The following SEMA3A variants were observed in gnomAD, a reference collection of about 807,000 sequenced individuals.
SEMA3A encodes semaphorin-3A.
SEMA3A carries 29 observed loss-of-function variants against 97.9 expected under a neutral mutation model. The ratio of observed to expected loss-of-function variants is 0.30; its 90% CI spans 0.22 to 0.40. The LOEUF is 0.40. Ranked by LOEUF, SEMA3A falls within the 10% of genes least tolerant of loss-of-function variation. The pLI is 1.00. For missense variants in SEMA3A, 763 were observed against 951.3 expected, an observed-to-expected ratio of 0.80 and a Z score of 2.60; for synonymous variants, 321 against 323.7, an observed-to-expected ratio of 0.99 and a Z score of 0.09.
chr7:84,420,164 C>A (rs1804548870), intron 1 of SEMA3A, among the ~76,000 whole-genome samples: 1 of 150,490 alleles, frequency 6.6e-6, no homozygotes, highest in African/African-American at 2.4e-5. Context: ...TACAAAGAAA[C>A]AGGAAACTAT....
intron 1 of SEMA3A, among the ~76,000 whole-genome samples, chr7:84,476,909 T>A (rs1245065623): frequency 6.6e-6 from 1 of 151,704 alleles, no homozygotes; most frequent in Non-Finnish European, 1.5e-5. Context: ...AAGAAAAAAA[T>A]AATAAGATAA....
In SEMA3A at chr7:84,075,582, C is replaced by G. The variant is rs754157135; in HGVS notation, c.454-15024G>C. On this transcript the variant is annotated intron_variant, in intron 4 of 16. Transcript: ENST00000265362. ...CAAGTGATTCTGCTGCCTCAGCCTC[C>G]CAAGTAGCTGGGATTACAGGCATGT... is the stretch of plus-strand genomic sequence containing the variant. 3.8e-4 allele frequency among the ~76,000 whole-genome samples: 57 copies of G among 151,930 alleles called. 1 individual carries two copies. Among genetic ancestry groups the G allele is most frequent in the Non-Finnish European group, 1.2e-4 (8 of 67,998 alleles).
Position 83,958,238 on chromosome 7 carries a change from G to A in SEMA3A, c.*3133C>T, listed in dbSNP as rs998409100. On this transcript the variant is annotated 3_prime_UTR_variant, in exon 17 of 17. Transcript: ENST00000265362. Reference sequence around the variant, plus strand: ...ACAGATGACTACAATGAAGAAATCTGTTAGCTAATTATGTAGCAACCTGAC... The same window carrying A: ...ACAGATGACTACAATGAAGAAATCTATTAGCTAATTATGTAGCAACCTGAC... 7 of 152,462 alleles carry A rather than the reference G, an allele frequency of 4.6e-5. No homozygotes were observed. The highest frequency in any genetic ancestry group is 8.8e-5 in the Non-Finnish European group (6 of 67,962). The allele number at this position is 152,462 out of a possible 1,614,324, so 9.4% of individuals were successfully genotyped here.
At chr7:84,363,015 T>C (rs1802763361) in intron 2 of SEMA3A, among the ~76,000 whole-genome samples, 1 of 151,892 alleles carries the variant, frequency 6.6e-6, no homozygotes, top group Non-Finnish European at 1.5e-5. Context: ...TATATTACTG[T>C]ACAACTAGCT....
chr7:84,029,282 C>G (rs1052639176), intron 6 of SEMA3A, among the ~76,000 whole-genome samples: 23 of 152,042 alleles, frequency 1.5e-4, no homozygotes, highest in Non-Finnish European at 2.8e-4. Flanking sequence ...TTCAATATTT[C>G]AATGTGGAAT....
intron 1 of SEMA3A, among the ~76,000 whole-genome samples, chr7:84,481,201 A>G (rs985282806): frequency 1.3e-5 from 2 of 152,204 alleles, no homozygotes; most frequent in African/African-American, 4.8e-5. Context: ...TTGACCATTG[A>G]AAAGATACGA....
At chr7:84,216,917 A>G (rs933225087) in intron 3 of SEMA3A, among the ~76,000 whole-genome samples, 11 of 152,184 alleles carry the variant, frequency 7.2e-5, no homozygotes, top group Non-Finnish European at 1.3e-4. Flanking sequence ...ATTGAGTCAA[A>G]AGAGCTGAAT....
At chr7:84,365,820 T>C (rs1236060344) in intron 2 of SEMA3A, among the ~76,000 whole-genome samples, 1 of 151,458 alleles carries the variant, frequency 6.6e-6, no homozygotes, top group Non-Finnish European at 1.5e-5. Flanking sequence ...TATCACAAGA[T>C]AATTATTCTA....
At chr7:84,156,745 C>G (rs1016648837) in intron 1 of SEMA3A, among the ~76,000 whole-genome samples, 2 of 151,994 alleles carry the variant, frequency 1.3e-5, no homozygotes, top group African/African-American at 4.8e-5. Flanking sequence ...ATTTTTTTCT[C>G]TATATATTTA....
At chr7:84,418,944 C>T (rs902177270) in intron 1 of SEMA3A, among the ~76,000 whole-genome samples, 1 of 149,138 alleles carries the variant, frequency 6.7e-6, no homozygotes, top group Non-Finnish European at 1.5e-5. Context: ...CATATATCTA[C>T]ACATATATAT....
chr7:84,366,386 A>G (rs1802847921), intron 2 of SEMA3A, among the ~76,000 whole-genome samples: 1 of 151,430 alleles, frequency 6.6e-6, no homozygotes, highest in Non-Finnish European at 1.5e-5. Context: ...CATCAAACAA[A>G]TAATTACAAT....
At chr7:84,038,407 T>C (rs1316003966) in intron 6 of SEMA3A, among the ~76,000 whole-genome samples, 3 of 152,284 alleles carry the variant, frequency 2.0e-5, no homozygotes, top group African/African-American at 4.8e-5. Flanking sequence ...ACAACATCAA[T>C]TGAATTTTTT....
At chr7:83,976,018 G>C (rs1365966643) in intron 15 of SEMA3A, among the ~76,000 whole-genome samples, 1 of 152,076 alleles carries the variant, frequency 6.6e-6, no homozygotes, top group Non-Finnish European at 1.5e-5. Flanking sequence ...AAAGTCCCTG[G>C]TGAGAAAATT....
In SEMA3A at chr7:83,981,303, T is replaced by G; in HGVS notation, c.1652+18A>C. 1 of 1,611,564 alleles carries G rather than the reference T, an allele frequency of 6.2e-7. No individual in the cohort carries two copies. The highest frequency in any genetic ancestry group is 8.5e-7 in the Non-Finnish European group (1 of 1,178,484). On this transcript the variant is annotated intron_variant, in intron 14 of 16. Coordinates refer to ENST00000265362, the MANE Select transcript of SEMA3A (RefSeq NM_006080.3). The stretch of plus-strand genomic sequence containing the variant: ...GATAACTAGCAAACATTTCATTTAT[T>G]TTGAATATTTTTCCTACCTCTTTGC...
chr7:84,040,134 G>A (rs1346153038), intron 6 of SEMA3A, among the ~76,000 whole-genome samples: 6 of 151,576 alleles, frequency 4.0e-5, no homozygotes, highest in Non-Finnish European at 7.4e-5. Context: ...CTTCTATTCT[G>A]AAAGTATTTG....
At chr7:84,367,688 C>A (rs1248350739) in intron 2 of SEMA3A, among the ~76,000 whole-genome samples, 1 of 150,158 alleles carries the variant, frequency 6.7e-6, no homozygotes, top group Non-Finnish European at 1.5e-5. Flanking sequence ...ATGAAAAAGG[C>A]AGATAGGTGA....
At chr7:84,172,438 T>C (rs200507690) in intron 1 of SEMA3A, among the ~76,000 whole-genome samples, 60 of 152,206 alleles carry the variant, frequency 3.9e-4, no homozygotes, top group Non-Finnish European at 7.8e-4. Flanking sequence ...TTTTTTCTTT[T>C]TTGAGACAGA....
intron 6 of SEMA3A, among the ~76,000 whole-genome samples, chr7:84,045,166 G>T (rs532585144): frequency 2.6e-5 from 4 of 151,892 alleles, no homozygotes; most frequent in African/African-American, 4.8e-5. Flanking sequence ...GAAGACAGAA[G>T]GAATGAACTA....
At chr7:84,028,032 A>G (rs1367075933) in intron 6 of SEMA3A, among the ~76,000 whole-genome samples, 1 of 152,242 alleles carries the variant, frequency 6.6e-6, no homozygotes, top group African/African-American at 2.4e-5. Context: ...ACATATCATT[A>G]TTAATCATGT....
Sources: allele counts gnomAD v4.1 joint callset (sites outside exome capture counted in the v4.1 genomes callset), GRCh38; gene constraint gnomAD v4.1.1; transcripts MANE v1.5; gene names NCBI Gene and HGNC (gene_info 2026-07-23, HGNC 2026-07-21).